Variants in SLC4A7 observed in about 807,000 individuals in gnomAD.
SLC4A7 encodes the protein sodium bicarbonate cotransporter 3.
SLC4A7 carries 51 observed loss-of-function variants against 137.6 expected under a neutral mutation model. The ratio of observed to expected loss-of-function variants is 0.37; its 90% CI spans 0.30 to 0.47. SLC4A7 has a LOEUF of 0.47. SLC4A7 is among the 20% of genes least tolerant of loss of function. The pLI is 1.00. For missense variants in SLC4A7, 1,247 were observed against 1,525.4 expected (o/e 0.82, Z 3.04); for synonymous variants, 542 against 518.6 (o/e 1.05, Z -0.61).
chr3:27,460,055 G>A (rs554007900), intron 1 of SLC4A7, among the ~76,000 whole-genome samples: 2 of 132,842 alleles, frequency 1.5e-5, no homozygotes, highest in African/African-American at 2.8e-5. Context: ...TTTTTCTTTT[G>A]AGACAGGGTC....
intron 1 of SLC4A7, 105 bp downstream of exon 1, chr3:27,483,962 G>A: frequency 2.3e-6 from 2 of 886,652 alleles, no homozygotes; most frequent in Non-Finnish European, 1.5e-6. Flanking sequence ...CGACGGGCCT[G>A]GGACGAGGTG....
At chr3:27,464,516 C>A (rs2058867996) in intron 1 of SLC4A7, among the ~76,000 whole-genome samples, 2 of 151,838 alleles carry the variant, frequency 1.3e-5, no homozygotes, top group Non-Finnish European at 2.9e-5. Flanking sequence ...GAAAACACAG[C>A]AAACCCCTAT....
chr3:27,441,945 G>C (rs572383108), intron 3 of SLC4A7, among the ~76,000 whole-genome samples: 2 of 151,554 alleles, frequency 1.3e-5, no homozygotes, highest in South Asian at 4.2e-4. Flanking sequence ...ACCCAGGCTG[G>C]AGTGCAGTGA....
At position 27,403,359 on chromosome 3, in the gene SLC4A7, A is replaced by C; in HGVS notation, c.2101T>G (p.Leu701Val). The change falls in exon 15 of 26, where the codon TTA becomes GTA. Residue 701 changes from leucine to valine, a missense_variant. By Grantham distance (32) the Leu-to-Val change is conservative. This residue lies in a region of SLC4A7 where 499 missense variants were observed against 664.2 expected (regional missense o/e 0.75). Coordinates refer to ENST00000454389, the MANE Select transcript of SLC4A7 (RefSeq NM_001321103.2). ...CRDYQLSYLSLRTSIGLWTSF... is the reference protein window; with the variant it reads ...CRDYQLSYLSVRTSIGLWTSF... ...GTCCACAGACCAATACTGGTTCTTA[A>C]AGACAGATAAGAAAGTTGATAATCT... is the stretch of plus-strand genomic sequence containing the variant. 1.9e-6 allele frequency: 3 copies of C among 1,591,674 alleles called. No homozygotes were observed. Among genetic ancestry groups the C allele is most frequent in the Non-Finnish European group, 2.6e-6 (3 of 1,167,644 alleles).
Position 27,423,889 on chromosome 3 carries a change from T to G in SLC4A7, c.1266+148A>C. On this transcript the variant is annotated intron_variant, in intron 8 of 25. Coordinates refer to ENST00000454389, the MANE Select transcript of SLC4A7 (RefSeq NM_001321103.2). ...CCTTCTCACAGTTTTTACCTTAAAT[T>G]AACATATCACAGACATCACATGCAG... 5.4e-6 allele frequency: 3 copies of G among 560,180 alleles called. No homozygotes were observed. The South Asian group carries it at 7.4e-5, about 14-fold the overall frequency. The allele number at this position is 560,180 out of a possible 1,614,324, so 34.7% of individuals were successfully genotyped here.
At chr3:27,457,337 C>A (rs1028769289) in intron 1 of SLC4A7, among the ~76,000 whole-genome samples, 10 of 152,136 alleles carry the variant, frequency 6.6e-5, no homozygotes, top group African/African-American at 2.4e-4. Context: ...AGGAATACCT[C>A]TGTTTTACAT....
chr3:27,449,483 C>A (rs753269565), intron 2 of SLC4A7, among the ~76,000 whole-genome samples: 17 of 149,138 alleles, frequency 1.1e-4, no homozygotes, highest in Non-Finnish European at 1.9e-4. Flanking sequence ...AAATAAAGTC[C>A]AAATTACTGA....
At chr3:27,477,312 G>A (rs1195657396) in intron 1 of SLC4A7, among the ~76,000 whole-genome samples, 1 of 152,180 alleles carries the variant, frequency 6.6e-6, no homozygotes, top group Non-Finnish European at 1.5e-5. Flanking sequence ...ACTTTTTAGA[G>A]AAAGCCTGCT....
At chr3:27,382,229 C>T (rs2050495845) in intron 24 of SLC4A7, among the ~76,000 whole-genome samples, 1 of 152,026 alleles carries the variant, frequency 6.6e-6, no homozygotes, top group Admixed American at 6.5e-5. Context: ...AACCAACTGT[C>T]CTGCCTCACT....
chr3:27,456,992 A>G (rs1353571472), intron 1 of SLC4A7: 1 of 920,028 alleles, frequency 1.1e-6, no homozygotes, highest in Non-Finnish European at 1.3e-6. Context: ...ATGTTAGTAC[A>G]AAGAGTGCAT....
At chr3:27,383,096 CTTA>C (rs1227765600) in intron 24 of SLC4A7, 54 bp downstream of exon 24, 9 of 967,292 alleles carry the variant, frequency 9.3e-6, no homozygotes, top group Admixed American at 1.9e-5. Flanking sequence ...CATTATATGA[CTTA>C]TTAATACATT....
At chr3:27,425,130 G>A (rs1294834352) in intron 7 of SLC4A7, among the ~76,000 whole-genome samples, 1 of 152,088 alleles carries the variant, frequency 6.6e-6, no homozygotes, top group Non-Finnish European at 1.5e-5. Context: ...CAGCACTCTG[G>A]GAGGCAGAGG....
At chr3:27,478,460 G>A (rs1345559496) in intron 1 of SLC4A7, among the ~76,000 whole-genome samples, 6 of 148,098 alleles carry the variant, frequency 4.1e-5, no homozygotes, top group South Asian at 2.1e-4. Flanking sequence ...GGAGGTTGCC[G>A]TGACCCAAGA....
At chr3:27,483,862 G>A (rs556390986) in intron 1 of SLC4A7, among the ~76,000 whole-genome samples, 110 of 151,222 alleles carry the variant, frequency 7.3e-4, no homozygotes, top group South Asian at 6.5e-3. Context: ...CGGGCCTCCC[G>A]AGCGCAGCCG....
intron 7 of SLC4A7, among the ~76,000 whole-genome samples, chr3:27,427,828 C>A (rs186988024): frequency 6.6e-6 from 1 of 152,238 alleles, no homozygotes; most frequent in African/African-American, 2.4e-5. Flanking sequence ...ACTCTAATTT[C>A]TTCTGTTCAA....
At chr3:27,436,296 C>G in intron 5 of SLC4A7, 92 bp downstream of exon 5, 1 of 953,600 alleles carries the variant, frequency 1.0e-6, no homozygotes. Context: ...ATACTGCACT[C>G]CACAGAATAG....
chr3:27,383,126 G>T, intron 24 of SLC4A7, 27 bp downstream of exon 24: 1 of 1,363,922 alleles, frequency 7.3e-7, no homozygotes. Context: ...GCATATAAAA[G>T]TTTTAGAGCA....
chr3:27,445,614 C>T (rs898676511), intron 3 of SLC4A7, among the ~76,000 whole-genome samples: 7 of 151,454 alleles, frequency 4.6e-5, no homozygotes, highest in Non-Finnish European at 8.8e-5. Context: ...AACATGATGA[C>T]TATAGTTAAT....
At chr3:27,378,674 G>A (rs1171176163) in intron 25 of SLC4A7, among the ~76,000 whole-genome samples, 1 of 152,134 alleles carries the variant, frequency 6.6e-6, no homozygotes, top group African/African-American at 2.4e-5. Flanking sequence ...ATATCTCCAA[G>A]CAAAATGTTT....
Sources: allele counts gnomAD v4.1 joint callset (sites outside exome capture counted in the v4.1 genomes callset), GRCh38; gene constraint gnomAD v4.1.1; regional missense constraint gnomAD v4.1.1; transcripts MANE v1.5; gene names NCBI Gene and HGNC (gene_info 2026-07-23, HGNC 2026-07-21).